The following PKP1 variants were observed in gnomAD, a reference collection of about 807,000 sequenced individuals.
The protein encoded by PKP1 is plakophilin-1.
In PKP1, 27 loss-of-function variants were observed where a neutral mutation model predicts 76.4. The ratio of observed to expected loss-of-function variants is 0.35; its 90% CI spans 0.26 to 0.49. The LOEUF is 0.49. PKP1 is among the 20% of genes least tolerant of loss of function. PKP1 has a pLI of 0.99. For synonymous variants in PKP1, 404 were observed against 384.2 expected, an observed-to-expected ratio of 1.05 and a Z score of -0.60; for missense variants, 964 against 955.2, an observed-to-expected ratio of 1.01 and a Z score of -0.12.
intron 3 of PKP1, among the ~76,000 whole-genome samples, chr1:201,314,097 T>A (rs1656652657): frequency 6.6e-6 from 1 of 152,128 alleles, no homozygotes; most frequent in Admixed American, 6.5e-5. Flanking sequence ...ATAGAATGGG[T>A]TTCAGGTTAC....
intron 6 of PKP1, among the ~76,000 whole-genome samples, 198 bp downstream of exon 6, chr1:201,318,993 A>C (rs1377508992): frequency 6.6e-6 from 1 of 151,762 alleles, no homozygotes; most frequent in Admixed American, 6.6e-5. Flanking sequence ...GGACCCTACC[A>C]CCCCCTTTGA....
In PKP1 at chr1:201,283,544, A is replaced by T. The variant is rs1221561678; in HGVS notation, c.-159A>T. On this transcript the variant is annotated 5_prime_UTR_variant, in exon 1 of 14. Transcript: ENST00000367324. ...GACGAACCAGGGTGGAAGCGCCAGG[A>T]GCAGCTGCAGGGAGCCCTCACGCGG... The T allele has an allele frequency of 5.7e-6, 4 of 701,016 alleles. No individual in the cohort carries two copies. Among genetic ancestry groups the T allele is most frequent in the Non-Finnish European group, 1.0e-5 (4 of 395,584 alleles). 43.4% of individuals were successfully genotyped at this position (701,016 alleles called of 1,614,324 possible). A position where few individuals can be genotyped will look rare whatever the true frequency, so the allele number is the denominator to read the frequency against.
In PKP1 at chr1:201,283,728, C is replaced by T; in HGVS notation, c.26C>T (p.Ala9Val). 6.2e-7 allele frequency: 1 copy of T among 1,614,094 alleles called. No individual in the cohort carries two copies. Among genetic ancestry groups the T allele is most frequent in the Non-Finnish European group, 8.5e-7 (1 of 1,179,952 alleles). ...ATGAACCACTCGCCGCTCAAGACCG[C>T]CTTGGCGTACGAATGCTTCCAGGAC... MNHSPLKT[A>V]LAYECFQDQD... The change falls in exon 1 of 14, where the codon GCC becomes GTC. Residue 9 changes from alanine to valine, a missense_variant. Coordinates refer to ENST00000367324, the MANE Select transcript of PKP1 (RefSeq NM_001005337.3).
At chr1:201,326,549 G>C (rs1216479783) in intron 12 of PKP1, among the ~76,000 whole-genome samples, 1 of 152,258 alleles carries the variant, frequency 6.6e-6, no homozygotes, top group Non-Finnish European at 1.5e-5. Flanking sequence ...GGCTGATTAG[G>C]CTGGAGCTTT....
At chr1:201,288,984 T>G (rs1189646788) in intron 1 of PKP1, among the ~76,000 whole-genome samples, 1 of 152,088 alleles carries the variant, frequency 6.6e-6, no homozygotes, top group East Asian at 1.9e-4. Flanking sequence ...CAGGAAAAGG[T>G]CAAGAGCCAC....
At chr1:201,302,334 G>T (rs757894326) in intron 2 of PKP1, among the ~76,000 whole-genome samples, 1 of 152,130 alleles carries the variant, frequency 6.6e-6, no homozygotes, top group Non-Finnish European at 1.5e-5. Flanking sequence ...GACTTTGAGC[G>T]GGGTGTGAAG....
chr1:201,301,731 C>CTT (rs113318710), intron 2 of PKP1, among the ~76,000 whole-genome samples: 1 of 144,452 alleles, frequency 6.9e-6, no homozygotes, highest in Non-Finnish European at 1.5e-5. Flanking sequence ...TCATTTTGGG[C>CTT]TTTTTTTTTT....
intron 6 of PKP1, among the ~76,000 whole-genome samples, chr1:201,319,292 G>T (rs1656863524): frequency 6.6e-6 from 1 of 152,238 alleles, no homozygotes; most frequent in South Asian, 2.1e-4. Flanking sequence ...CCCCTGTGGG[G>T]CTGGTGGGAG....
In PKP1 at chr1:201,332,639, G is replaced by A. The variant is rs1351875613; in HGVS notation, c.*2598G>A. ...GGGATCTCCTGTGCTAGCGGCCAAT[G>A]ACAAATCCAGTCATTGGCCACCAGC... is the stretch of plus-strand genomic sequence containing the variant. On this transcript the variant is annotated 3_prime_UTR_variant, in exon 14 of 14. Coordinates refer to ENST00000367324, the MANE Select transcript of PKP1 (RefSeq NM_001005337.3). The A allele has an allele frequency of 6.6e-6, 1 of 151,996 alleles. No individual in the cohort carries two copies. Among genetic ancestry groups the A allele is most frequent in the Non-Finnish European group, 1.5e-5 (1 of 68,024 alleles). 9.4% of individuals were successfully genotyped at this position (151,996 alleles called of 1,614,324 possible). A position where few individuals can be genotyped will look rare whatever the true frequency, so the allele number is the denominator to read the frequency against.
intron 4 of PKP1, 40 bp from the exon 5 acceptor site, chr1:201,317,532 T>C (rs1656792367): frequency 6.5e-7 from 1 of 1,546,464 alleles, no homozygotes; most frequent in Admixed American, 1.7e-5. Context: ...ATCAGCCTCA[T>C]CTCCCTTGAC....
chr1:201,303,126 C>T (rs1656284598), intron 2 of PKP1, among the ~76,000 whole-genome samples: 1 of 152,246 alleles, frequency 6.6e-6, no homozygotes, highest in Non-Finnish European at 1.5e-5. Flanking sequence ...ATCATACCAA[C>T]TATTATTTAC....
At chr1:201,295,764 A>C (rs1260810048) in intron 2 of PKP1, among the ~76,000 whole-genome samples, 2 of 152,160 alleles carry the variant, frequency 1.3e-5, no homozygotes, top group African/African-American at 2.4e-5. Flanking sequence ...TCGTGTGTCT[A>C]CTTCACTCAC....
chr1:201,296,518 A>G (rs1405291439), intron 2 of PKP1, among the ~76,000 whole-genome samples: 2 of 152,222 alleles, frequency 1.3e-5, no homozygotes, highest in Admixed American at 6.5e-5. Flanking sequence ...CTGAGAGCTG[A>G]TGAAGGATCA....
intron 1 of PKP1, 51 bp downstream of exon 1, chr1:201,283,955 G>A (rs1303501032): frequency 8.5e-6 from 13 of 1,531,598 alleles, no homozygotes; most frequent in Non-Finnish European, 1.2e-5. Flanking sequence ...AGAGCACCCT[G>A]GCCCAGTGGC....
chr1:201,294,931 G>A (rs1656030205), intron 2 of PKP1, among the ~76,000 whole-genome samples: 1 of 152,224 alleles, frequency 6.6e-6, no homozygotes, highest in Non-Finnish European at 1.5e-5. Flanking sequence ...CGGGCTAGAT[G>A]ACACCCAAGG....
chr1:201,313,631 C>A, intron 3 of PKP1, 71 bp downstream of exon 3: 2 of 1,495,986 alleles, frequency 1.3e-6, no homozygotes, highest in Admixed American at 1.8e-5. Flanking sequence ...CCTGACTGCA[C>A]CCTGCAAAGG....
At chr1:201,320,225 T>C (rs770336494) in intron 6 of PKP1, 42 bp from the exon 7 acceptor site, 7 of 1,274,948 alleles carry the variant, frequency 5.5e-6, no homozygotes, top group Non-Finnish European at 8.0e-6. Flanking sequence ...CGTTCTCTCT[T>C]CCCCCTTTCT....
intron 2 of PKP1, among the ~76,000 whole-genome samples, chr1:201,312,137 CGCAG>C (rs1656575311): frequency 6.6e-6 from 1 of 152,200 alleles, no homozygotes; most frequent in African/African-American, 2.4e-5. Context: ...CATGTGTGCA[CGCAG>C]GCCCCTAGCT....
chr1:201,295,602 G>A (rs1295327829), intron 2 of PKP1, among the ~76,000 whole-genome samples: 1 of 152,210 alleles, frequency 6.6e-6, no homozygotes, highest in African/African-American at 2.4e-5. Flanking sequence ...AGTACAGATG[G>A]TACGTGTCTT....
Sources: gnomAD v4.1 joint callset for allele counts (sites outside exome capture counted in the v4.1 genomes callset) on GRCh38, gnomAD v4.1.1 for gene constraint, MANE v1.5 for transcripts, NCBI Gene and HGNC (gene_info 2026-07-23, HGNC 2026-07-21) for gene names.